Variants in PER3 observed in about 807,000 individuals in gnomAD.
PER3 encodes period circadian regulator 3.
A neutral mutation model predicts 127.2 loss-of-function variants in PER3; 107 were observed. The ratio of observed to expected loss-of-function variants is 0.84; its 90% CI spans 0.72 to 0.99. The LOEUF (loss-of-function observed/expected upper bound fraction) is 0.99. Among genes scored for constraint, PER3 ranks in the 50% least tolerant of loss-of-function variants. PER3 has a pLI of 0.00. For missense variants in PER3, 1,560 were observed against 1,525.8 expected, an observed-to-expected ratio of 1.02 and a Z score of -0.37; for synonymous variants, 618 against 585.8, an observed-to-expected ratio of 1.05 and a Z score of -0.79.
At chr1:7,802,581 T>C (rs2097175238) in intron 8 of PER3, among the ~76,000 whole-genome samples, 1 of 152,194 alleles carries the variant, frequency 6.6e-6, no homozygotes, top group Admixed American at 6.5e-5. Flanking sequence ...ACATTGTTTT[T>C]ATGTAATTTT....
chr1:7,841,445 T>G (rs531353890), intron 21 of PER3, among the ~76,000 whole-genome samples: 1 of 152,296 alleles, frequency 6.6e-6, no homozygotes, highest in East Asian at 1.9e-4. Flanking sequence ...ACAAGCTGTG[T>G]GCAGGCTGCT....
chr1:7,825,784 G>A (rs947422901), intron 16 of PER3, among the ~76,000 whole-genome samples: 8 of 152,036 alleles, frequency 5.3e-5, no homozygotes, highest in Non-Finnish European at 1.0e-4. Context: ...CCAGCTACTT[G>A]GGAGGCTGAA....
chr1:7,788,345 A>C, intron 5 of PER3, 99 bp downstream of exon 5: 2 of 836,682 alleles, frequency 2.4e-6, no homozygotes, highest in South Asian at 3.2e-5. Flanking sequence ...TAGAACATGC[A>C]CACTATCTGG....
chr1:7,786,446 C>A (rs1404565718), intron 3 of PER3, among the ~76,000 whole-genome samples: 1 of 151,988 alleles, frequency 6.6e-6, no homozygotes, highest in Non-Finnish European at 1.5e-5. Context: ...TCTGCTCCCC[C>A]CGCAAAAAAA....
At chr1:7,800,876 C>T (rs1460585716) in intron 7 of PER3, among the ~76,000 whole-genome samples, 3 of 150,854 alleles carry the variant, frequency 2.0e-5, no homozygotes, top group Admixed American at 2.0e-4. Flanking sequence ...CATTCTTTCT[C>T]TCTCTGTTTA....
chr1:7,810,591 G>A lies in PER3; in HGVS notation c.1522+3G>A, dbSNP rs751076107. On this transcript the variant is annotated splice_donor_region_variant and intron_variant, in intron 13 of 21. Coordinates refer to ENST00000377532, the MANE Select transcript of PER3 (RefSeq NM_001377275.1). ...TGGTGAGTCAGCGAATGGTGGTGGT[G>A]AGTCAGCCGGCAGCCCCAAGGATCT... 1.9e-5 allele frequency: 30 copies of A among 1,605,948 alleles called. No homozygotes were observed. Among genetic ancestry groups the A allele is most frequent in the Non-Finnish European group, 1.7e-6 (2 of 1,177,094 alleles).
intron 5 of PER3, among the ~76,000 whole-genome samples, chr1:7,792,024 C>A (rs545223158): frequency 6.6e-6 from 1 of 152,354 alleles, no homozygotes; most frequent in Admixed American, 6.5e-5. Flanking sequence ...TCCAAAGTCA[C>A]TTCCACATTT....
intron 7 of PER3, among the ~76,000 whole-genome samples, chr1:7,800,203 T>C (rs1284912817): frequency 6.9e-6 from 1 of 144,768 alleles, no homozygotes; most frequent in Non-Finnish European, 1.5e-5. Context: ...TTCCCTAATA[T>C]ATCAATCACT....
At chr1:7,828,061 GCTAT>G (rs2097311449) in intron 18 of PER3, among the ~76,000 whole-genome samples, 1 of 152,178 alleles carries the variant, frequency 6.6e-6, no homozygotes, top group Non-Finnish European at 1.5e-5. Context: ...TTTCCAAAGT[GCTAT>G]CTTTTAAGTT....
chr1:7,807,325 G>A lies in PER3; in HGVS notation c.1137-1568G>A, dbSNP rs72855226. Among the ~76,000 whole-genome samples, 484 of 152,330 alleles carry A rather than the reference G, an allele frequency of 3.2e-3. 3 individuals carry two copies. Among genetic ancestry groups the A allele is most frequent in the African/African-American group, 0.011 (437 of 41,574 alleles). On this transcript the variant is annotated intron_variant, in intron 10 of 21. Transcript: ENST00000377532. ...TCTAGATGCTAAAGTAGAGAAAGGC[G>A]ATTGGTGCAGCTGTTCCACTGTGAT...
intron 10 of PER3, among the ~76,000 whole-genome samples, chr1:7,804,728 C>T (rs2097185706): frequency 2.0e-5 from 3 of 151,992 alleles, no homozygotes; most frequent in South Asian, 2.1e-4. Flanking sequence ...TACTTCTTTT[C>T]CTGCCAGCAC....
chr1:7,809,762 C>T, intron 11 of PER3, 131 bp from the exon 12 acceptor site: 1 of 834,056 alleles, frequency 1.2e-6, no homozygotes, highest in Non-Finnish European at 1.8e-6. Context: ...ATTAAAAGTA[C>T]CAACCTGCAC....
intron 4 of PER3, among the ~76,000 whole-genome samples, 186 bp downstream of exon 4, chr1:7,787,022 A>C (rs1355760102): frequency 1.3e-5 from 2 of 152,210 alleles, no homozygotes; most frequent in Non-Finnish European, 2.9e-5. Context: ...CTAAAAGCAG[A>C]AGCAGCCCGT....
rs1172595771 is a variant in PER3 at position 7,830,264 on chromosome 1, T to C, written c.3214+103T>C. Reference sequence around the variant, plus strand: ...CAGGCACTGATGTGGAAGTACAAGGTTTTTTTTTCTTTTTCCCTTTTTCCT... The same window carrying C: ...CAGGCACTGATGTGGAAGTACAAGGCTTTTTTTTCTTTTTCCCTTTTTCCT... On this transcript the variant is annotated intron_variant, in intron 19 of 21. Coordinates refer to ENST00000377532, the MANE Select transcript of PER3 (RefSeq NM_001377275.1). 5 of 991,798 alleles carry C rather than the reference T, an allele frequency of 5.0e-6. No homozygotes were observed. The East Asian group carries it at 1.2e-4, about 24-fold the overall frequency. 61.4% of individuals were successfully genotyped at this position (991,798 alleles called of 1,614,324 possible). A position where few individuals can be genotyped will look rare whatever the true frequency, so the allele number is the denominator to read the frequency against.
rs753242335 is a variant in PER3, at chr1:7,820,563, C to G, written c.1880C>G (p.Ala627Gly). The G allele has an allele frequency of 2.5e-6, 4 of 1,614,050 alleles. No individual in the cohort carries two copies. In the East Asian group the frequency reaches 8.9e-5, roughly 36 times the overall value. ...GGGAPQILST[A>G]MLSLGSGISQ... ...GGAGCTCCACAGATCCTGTCCACGG[C>G]GATGCTGAGCTTGGGGTCGGGCATA... is the stretch of plus-strand genomic sequence containing the variant. The change falls in exon 16 of 22, where the codon GCG becomes GGG. Residue 627 changes from alanine to glycine, a missense_variant. Physicochemically the swap from Ala to Gly is moderately conservative, Grantham distance 60. This residue lies in a region of PER3 where 1,332 missense variants were observed against 1,223.6 expected (regional missense o/e 1.09). Transcript: ENST00000377532.
intron 10 of PER3, among the ~76,000 whole-genome samples, chr1:7,806,447 G>A (rs2097193025): frequency 6.6e-6 from 1 of 152,068 alleles, no homozygotes; most frequent in African/African-American, 2.4e-5. Flanking sequence ...GTTTCATGAA[G>A]GCTGTCTCCT....
intron 19 of PER3, among the ~76,000 whole-genome samples, chr1:7,835,021 T>C (rs1039299004): frequency 4.6e-5 from 7 of 152,090 alleles, no homozygotes; most frequent in Non-Finnish European, 8.8e-5. Flanking sequence ...ATATCATTAA[T>C]TGTGTATGTT....
chr1:7,804,154 T>G (rs2097182714), intron 10 of PER3, among the ~76,000 whole-genome samples: 1 of 152,164 alleles, frequency 6.6e-6, no homozygotes, highest in Non-Finnish European at 1.5e-5. Context: ...ATTTGATTTT[T>G]AAATATAAAA....
chr1:7,786,691 A>G (rs1406665194), intron 3 of PER3, 30 bp from the exon 4 acceptor site: 2 of 1,104,686 alleles, frequency 1.8e-6, no homozygotes, highest in South Asian at 1.2e-5. Flanking sequence ...TTGTCACTGG[A>G]CTACCTGTTT....
Sources: allele counts gnomAD v4.1 joint callset (sites outside exome capture counted in the v4.1 genomes callset), GRCh38; gene constraint gnomAD v4.1.1; regional missense constraint gnomAD v4.1.1; transcripts MANE v1.5; gene names NCBI Gene and HGNC (gene_info 2026-07-23, HGNC 2026-07-21).